The following RPAP3 variants were observed in gnomAD, a reference collection of about 807,000 sequenced individuals.
The protein encoded by RPAP3 is RNA polymerase II associated protein 3.
A neutral mutation model predicts 88.8 loss-of-function variants in RPAP3; 58 were observed. The ratio of observed to expected loss-of-function variants is 0.65; its 90% CI spans 0.53 to 0.81. The LOEUF (loss-of-function observed/expected upper bound fraction) is 0.81, where lower values mean the gene tolerates loss of function less well. Among genes scored for constraint, RPAP3 ranks in the 40% least tolerant of loss-of-function variants. The pLI, the probability that RPAP3 is intolerant of heterozygous loss-of-function variation, is 0.00. For synonymous variants in RPAP3, 255 were observed against 259.9 expected, an observed-to-expected ratio of 0.98 and a Z score of 0.18; for missense variants, 751 against 764.3, an observed-to-expected ratio of 0.98 and a Z score of 0.20.
chr12:47,684,486 C>T (rs780761184), intron 9 of RPAP3, among the ~76,000 whole-genome samples: 4 of 151,978 alleles, frequency 2.6e-5, no homozygotes, highest in South Asian at 2.1e-4. Flanking sequence ...TCACATAGTC[C>T]GTAATACATA....
At chr12:47,686,660 A>C in intron 9 of RPAP3, 120 bp downstream of exon 9, 1 of 689,782 alleles carries the variant, frequency 1.4e-6, no homozygotes, top group Non-Finnish European at 2.3e-6. Flanking sequence ...TTTACCATAA[A>C]TTGGCATGTG....
At position 47,681,960 on chromosome 12, in the gene RPAP3, T is replaced by C. The variant is rs112569182; in HGVS notation, c.993-143A>G. On this transcript the variant is annotated intron_variant, in intron 9 of 16. Transcript: ENST00000005386. ...CTGTGTTTGAAGTGGAGAACTATTT[T>C]ATAAATTTTTTATTCTCACCAAATC... 28 of 776,138 alleles carry C rather than the reference T, an allele frequency of 3.6e-5. 2 individuals are homozygous for C. The highest frequency in any genetic ancestry group is 2.6e-4 in the African/African-American group (14 of 54,368). The allele number at this position is 776,138 out of a possible 1,614,324, so 48.1% of individuals were successfully genotyped here. A position where few individuals can be genotyped will look rare whatever the true frequency, so the allele number is the denominator to read the frequency against.
intron 9 of RPAP3, among the ~76,000 whole-genome samples, chr12:47,682,269 A>AT (rs1256235477): frequency 6.6e-6 from 1 of 152,188 alleles, no homozygotes; most frequent in African/African-American, 2.4e-5. Context: ...ATGTGATAGC[A>AT]TATCATCTAA....
intron 3 of RPAP3, 59 bp downstream of exon 3, chr12:47,701,405 A>C: frequency 7.6e-7 from 1 of 1,308,840 alleles, no homozygotes; most frequent in Non-Finnish European, 1.0e-6. Flanking sequence ...CATGATTATC[A>C]GCTAACTCCC....
At chr12:47,664,366 G>T (rs998702003) in intron 16 of RPAP3, among the ~76,000 whole-genome samples, 1 of 152,074 alleles carries the variant, frequency 6.6e-6, no homozygotes, top group Non-Finnish European at 1.5e-5. Context: ...CTCCAGCCTG[G>T]GCGACAGAGC....
chr12:47,687,745 T>C, intron 8 of RPAP3, 131 bp downstream of exon 8: 3 of 1,022,474 alleles, frequency 2.9e-6, no homozygotes, highest in South Asian at 2.0e-5. Flanking sequence ...GAGGCTTTAG[T>C]GCATTTAATT....
intron 16 of RPAP3, 38 bp downstream of exon 16, chr12:47,666,942 T>C (rs1938886720): frequency 9.2e-7 from 1 of 1,092,880 alleles, no homozygotes. Flanking sequence ...TACAGGAATG[T>C]ACAAAAATAA....
At chr12:47,703,571 A>G (rs1939701723) in intron 1 of RPAP3, among the ~76,000 whole-genome samples, 1 of 152,176 alleles carries the variant, frequency 6.6e-6, no homozygotes, top group African/African-American at 2.4e-5. Context: ...TGACTGCAAA[A>G]AATAGGCATG....
rs1373981706 is a variant in RPAP3 at position 47,662,700 on chromosome 12, CTA to C, written c.*803_*804del. ...TTATAAGTATCAGTTGAGCACCTAACTATGTGCAAACGTCTGTGCTAGGTACT... is the reference window on the plus strand; with the variant it reads ...TTATAAGTATCAGTTGAGCACCTAACTGTGCAAACGTCTGTGCTAGGTACT... On this transcript the variant is annotated 3_prime_UTR_variant, in exon 17 of 17. Transcript: ENST00000005386. 2 of 152,232 alleles carry C rather than the reference CTA, an allele frequency of 1.3e-5. No homozygotes were observed. The highest frequency in any genetic ancestry group is 2.9e-5 in the Non-Finnish European group (2 of 68,038). 9.4% of individuals were successfully genotyped at this position (152,232 alleles called of 1,614,324 possible). A position where few individuals can be genotyped will look rare whatever the true frequency, so the allele number is the denominator to read the frequency against.
intron 9 of RPAP3, among the ~76,000 whole-genome samples, chr12:47,683,485 A>C (rs1301188628): frequency 1.3e-5 from 2 of 152,206 alleles, no homozygotes; most frequent in Admixed American, 6.5e-5. Context: ...AATCATTTTA[A>C]TTGTATATTT....
intron 5 of RPAP3, among the ~76,000 whole-genome samples, chr12:47,693,692 C>G (rs1939470383): frequency 1.3e-5 from 2 of 152,062 alleles, no homozygotes; most frequent in Non-Finnish European, 2.9e-5. Context: ...AGGTCTTTAC[C>G]AATGCAGTTC....
At chr12:47,704,995 A>AG (rs908010643) in intron 1 of RPAP3, among the ~76,000 whole-genome samples, 122 of 150,498 alleles carry the variant, frequency 8.1e-4, no homozygotes, top group Admixed American at 2.6e-3. Context: ...AAAAAAAAGG[A>AG]GGGGGGGGAA....
At chr12:47,667,261 T>C (rs1226300133) in intron 15 of RPAP3, among the ~76,000 whole-genome samples, 181 bp from the exon 16 acceptor site, 2 of 152,226 alleles carry the variant, frequency 1.3e-5, no homozygotes, top group Non-Finnish European at 2.9e-5. Context: ...AATTACAATA[T>C]TCTTAAATGA....
intron 12 of RPAP3, among the ~76,000 whole-genome samples, chr12:47,677,197 T>A (rs1939133919): frequency 6.6e-6 from 1 of 152,198 alleles, no homozygotes; most frequent in Non-Finnish European, 1.5e-5. Flanking sequence ...CAACAGTGCT[T>A]CATGCTAAAA....
At position 47,662,218 on chromosome 12, in the gene RPAP3, G is replaced by A. The variant is rs1179559299; in HGVS notation, c.*1287C>T. The stretch of plus-strand genomic sequence containing the variant: ...GATTTCAACATATGAATTTGTGGGG[G>A]ATATAAACATTCAGATCATAGCAGA... On this transcript the variant is annotated 3_prime_UTR_variant, in exon 17 of 17. Coordinates refer to ENST00000005386, the MANE Select transcript of RPAP3 (RefSeq NM_024604.3). 1 of 152,064 alleles carries A rather than the reference G, an allele frequency of 6.6e-6. No homozygotes were observed. Among genetic ancestry groups the A allele is most frequent in the African/African-American group, 2.4e-5 (1 of 41,386 alleles). The allele number at this position is 152,064 out of a possible 1,614,324, so 9.4% of individuals were successfully genotyped here.
At chr12:47,700,269 C>T (rs1939631029) in intron 3 of RPAP3, 1 of 152,012 alleles carries the variant, frequency 6.6e-6, no homozygotes, top group African/African-American at 2.4e-5. Flanking sequence ...AAATAATAAA[C>T]AGAGAAATCA....
intron 10 of RPAP3, 123 bp downstream of exon 10, chr12:47,681,573 G>T: frequency 2.0e-6 from 2 of 984,104 alleles, no homozygotes; most frequent in Admixed American, 3.1e-5. Context: ...TCTAAACTGT[G>T]GAAAGAAAAC....
chr12:47,681,326 A>T (rs1343921419), intron 10 of RPAP3, among the ~76,000 whole-genome samples: 2 of 152,200 alleles, frequency 1.3e-5, no homozygotes, highest in Non-Finnish European at 2.9e-5. Context: ...ACCTGATGTC[A>T]CAGTATTGGC....
intron 12 of RPAP3, among the ~76,000 whole-genome samples, chr12:47,676,349 G>A (rs529516536): frequency 5.9e-5 from 9 of 152,168 alleles, no homozygotes; most frequent in Admixed American, 3.3e-4. Flanking sequence ...AGAGAAGCAA[G>A]AGCAAACAAA....
Sources: allele counts gnomAD v4.1 joint callset (sites outside exome capture counted in the v4.1 genomes callset), GRCh38; gene constraint gnomAD v4.1.1; transcripts MANE v1.5; gene names NCBI Gene and HGNC (gene_info 2026-07-23, HGNC 2026-07-21).